Variants in ELP3 observed in about 807,000 individuals in gnomAD.
The protein encoded by ELP3 is elongator complex protein 3.
A neutral mutation model predicts 74.9 loss-of-function variants in ELP3; 56 were observed. The ratio of observed to expected loss-of-function variants is 0.75; its 90% CI spans 0.60 to 0.93. The LOEUF (loss-of-function observed/expected upper bound fraction) is 0.93, where lower values mean the gene tolerates loss of function less well. Among genes scored for constraint, ELP3 ranks in the 40% least tolerant of loss-of-function variants. ELP3 has a pLI of 0.00. For synonymous variants in ELP3, 222 were observed against 239.8 expected (o/e 0.93, Z 0.68); for missense variants, 573 against 686.5 (o/e 0.83, Z 1.85).
chr8:28,129,390 T>C, intron 7 of ELP3, 112 bp from the exon 8 acceptor site: 1 of 1,132,682 alleles, frequency 8.8e-7, no homozygotes, highest in Non-Finnish European at 1.3e-6. Flanking sequence ...CTCCAGAGCC[T>C]ACACTCTTTA....
rs28657395 is a variant in ELP3 at position 28,111,903 on chromosome 8, A to G, written c.463-1116A>G. Among the ~76,000 whole-genome samples the G allele has an allele frequency of 2.8e-3, 429 of 152,290 alleles. 1 individual carries two copies. Among genetic ancestry groups the G allele is most frequent in the African/African-American group, 9.7e-3 (405 of 41,562 alleles). On this transcript the variant is annotated intron_variant, in intron 6 of 14. Transcript: ENST00000256398. ...GATATTTTTAAAAACTACCAGGGTA[A>G]TTTTGATGAGTATCTCTTGTAAAGA...
At chr8:28,110,601 T>A in intron 6 of ELP3, 163 bp downstream of exon 6, 1 of 597,094 alleles carries the variant, frequency 1.7e-6, no homozygotes, top group Non-Finnish European at 2.9e-6. Context: ...TTGCCATGCC[T>A]AGCAAGGTCA....
intron 3 of ELP3, among the ~76,000 whole-genome samples, chr8:28,100,838 G>GT (rs1388532880): frequency 6.6e-6 from 1 of 152,128 alleles, no homozygotes; most frequent in Non-Finnish European, 1.5e-5. Flanking sequence ...AAAGATGAGT[G>GT]TGAGATACAT....
At chr8:28,126,210 C>T (rs1179437149) in intron 7 of ELP3, among the ~76,000 whole-genome samples, 2 of 152,162 alleles carry the variant, frequency 1.3e-5, no homozygotes, top group East Asian at 3.9e-4. Context: ...TGGAGGGGTT[C>T]TGGGAAGATG....
chr8:28,158,140 C>G (rs1364662890), intron 11 of ELP3, among the ~76,000 whole-genome samples: 1 of 148,948 alleles, frequency 6.7e-6, no homozygotes, highest in Non-Finnish European at 1.5e-5. Flanking sequence ...AAAATGTTAA[C>G]TGCCGTAAAA....
Position 28,132,379 on chromosome 8 carries a change from T to C in ELP3, c.881T>C (p.Leu294Pro). ...HMMPDLPNVG[L>P]ERDIEQFTEF... ...ATGCCTGACCTGCCAAACGTGGGAC[T>C]AGAAAGAGACATTGAACAGTTCACA... The change falls in exon 9 of 15, where the codon CTA becomes CCA. Residue 294 changes from leucine (L) to proline (P), a missense_variant. Leu to Pro is a moderately conservative substitution (Grantham distance 98, BLOSUM62 -3). Transcript: ENST00000256398. The C allele has an allele frequency of 6.2e-7, 1 of 1,614,126 alleles. No individual in the cohort carries two copies. The highest frequency in any genetic ancestry group is 8.5e-7 in the Non-Finnish European group (1 of 1,179,964).
intron 3 of ELP3, 102 bp downstream of exon 3, chr8:28,100,068 T>C: frequency 6.8e-7 from 1 of 1,465,560 alleles, no homozygotes; most frequent in Non-Finnish European, 9.4e-7. Flanking sequence ...GGTTGGGGAT[T>C]CTGAACTAAT....
At chr8:28,118,121 A>G (rs988111547) in intron 7 of ELP3, among the ~76,000 whole-genome samples, 1 of 152,186 alleles carries the variant, frequency 6.6e-6, no homozygotes, top group African/African-American at 2.4e-5. Context: ...GACTACATAG[A>G]TGTAAACTGA....
At chr8:28,176,362 C>T (rs1324304825) in intron 14 of ELP3, among the ~76,000 whole-genome samples, 1 of 152,158 alleles carries the variant, frequency 6.6e-6, no homozygotes, top group Non-Finnish European at 1.5e-5. Flanking sequence ...TTCCAGGAAC[C>T]TCCAAAGTGA....
At chr8:28,116,601 A>G (rs1366066651) in intron 7 of ELP3, among the ~76,000 whole-genome samples, 2 of 152,136 alleles carry the variant, frequency 1.3e-5, no homozygotes, top group Non-Finnish European at 2.9e-5. Context: ...TTAGCTGGGC[A>G]TGGAGGCTGG....
chr8:28,145,379 A>G (rs1293044637), intron 10 of ELP3, among the ~76,000 whole-genome samples: 3 of 152,240 alleles, frequency 2.0e-5, no homozygotes, highest in Non-Finnish European at 4.4e-5. Context: ...GGAAGAAACC[A>G]CTGGCAAAGG....
upstream of ELP3, among the ~76,000 whole-genome samples, chr8:28,091,318 G>A (rs1366382225): frequency 6.6e-6 from 1 of 152,180 alleles, no homozygotes; most frequent in Non-Finnish European, 1.5e-5. Context: ...AAGGAGGAGG[G>A]AATAAGGAGG....
At chr8:28,149,558 C>T (rs187474080) in intron 10 of ELP3, among the ~76,000 whole-genome samples, 1 of 152,270 alleles carries the variant, frequency 6.6e-6, no homozygotes, top group African/African-American at 2.4e-5. Flanking sequence ...GCGTTTCCAT[C>T]CTCTCCTTTT....
intron 14 of ELP3, among the ~76,000 whole-genome samples, chr8:28,164,030 CCA>C (rs1304774454): frequency 6.6e-6 from 1 of 152,154 alleles, no homozygotes; most frequent in African/African-American, 2.4e-5. Context: ...TGCTACACTC[CCA>C]GAGTCTGATA....
At chr8:28,122,326 T>G (rs1306339097) in intron 7 of ELP3, among the ~76,000 whole-genome samples, 1 of 152,228 alleles carries the variant, frequency 6.6e-6, no homozygotes, top group East Asian at 1.9e-4. Flanking sequence ...CAAGTAAGGA[T>G]GTGTTGTTCC....
Position 28,189,842 on chromosome 8 carries a change from C to A in ELP3, c.*117C>A. On this transcript the variant is annotated 3_prime_UTR_variant, in exon 15 of 15. Coordinates refer to ENST00000256398, the MANE Select transcript of ELP3 (RefSeq NM_018091.6). ...AGCAAATGGGGGGCTTCACCCTCAT[C>A]CCGCAGCTGCAGAGACTGGAAACTG... The A allele has an allele frequency of 9.0e-7, 1 of 1,114,470 alleles. No homozygotes were observed. Among genetic ancestry groups the A allele is most frequent in the Non-Finnish European group, 1.3e-6 (1 of 759,260 alleles). 69.0% of individuals were successfully genotyped at this position (1,114,470 alleles called of 1,614,324 possible). A position where few individuals can be genotyped will look rare whatever the true frequency, so the allele number is the denominator to read the frequency against.
chr8:28,096,495 C>T (rs1811258412), intron 1 of ELP3, among the ~76,000 whole-genome samples: 1 of 152,180 alleles, frequency 6.6e-6, no homozygotes, highest in African/African-American at 2.4e-5. Context: ...AAAAGACTGG[C>T]ATTTTTTACC....
At chr8:28,115,115 C>G (rs984702990) in intron 7 of ELP3, among the ~76,000 whole-genome samples, 4 of 152,026 alleles carry the variant, frequency 2.6e-5, no homozygotes, top group African/African-American at 9.7e-5. Flanking sequence ...GCGGGAAGAG[C>G]AGAGAAAATC....
In ELP3 at chr8:28,160,302, A is replaced by G; in HGVS notation, c.1331A>G (p.Gln444Arg). The change falls in exon 13 of 15, where the codon CAA becomes CGA. Residue 444 changes from glutamine to arginine, a missense_variant. Gln to Arg is a conservative substitution (Grantham distance 43). Coordinates refer to ENST00000256398, the MANE Select transcript of ELP3 (RefSeq NM_018091.6). ...ETFLSYEDPDQDILIGLLRLR... is the reference protein window; with the variant it reads ...ETFLSYEDPDRDILIGLLRLR... ...TTCTTGTCATACGAAGACCCAGATC[A>G]AGACATTTTGATTGGCCTCCTACGA... is the stretch of plus-strand genomic sequence containing the variant. 1 of 1,614,186 alleles carries G rather than the reference A, an allele frequency of 6.2e-7. No individual in the cohort carries two copies. The highest frequency in any genetic ancestry group is 8.5e-7 in the Non-Finnish European group (1 of 1,180,022).
Sources: gnomAD v4.1 joint callset for allele counts (sites outside exome capture counted in the v4.1 genomes callset) on GRCh38, gnomAD v4.1.1 for gene constraint, MANE v1.5 for transcripts, NCBI Gene and HGNC (gene_info 2026-07-23, HGNC 2026-07-21) for gene names.